TTN: variants seen among roughly 807,000 people sequenced by gnomAD.
TTN encodes the protein titin.
A neutral mutation model predicts 3,223.0 loss-of-function variants in TTN; 1,525 were observed. That is an observed-to-expected ratio of 0.47 (90% CI 0.45 to 0.49). TTN has a LOEUF of 0.49. Ranked by LOEUF, TTN falls within the 20% of genes least tolerant of loss-of-function variation. TTN has a pLI of 0.00. For synonymous variants in TTN, 14,094 were observed against 15,161.0 expected, an observed-to-expected ratio of 0.93 and a Z score of 5.17; for missense variants, 40,786 against 43,424.0, an observed-to-expected ratio of 0.94 and a Z score of 5.40.
In TTN at chr2:178,535,429, C is replaced by T; in HGVS notation, c.101186G>A (p.Cys33729Tyr). Residue 33729 changes from cysteine (C) to tyrosine (Y), a missense_variant, in exon 358 of 363, where the codon TGT becomes TAT. Transcript: ENST00000589042. ...SKITNYIVEK[C>Y]ATTAERWLRV... ...GAGCCATCTTTCTGCAGTAGTTGCACATTTTTCAACAATGTAGTTGGTGAT... is the reference window on the plus strand; with the variant it reads ...GAGCCATCTTTCTGCAGTAGTTGCATATTTTTCAACAATGTAGTTGGTGAT... 1 of 1,613,910 alleles carries T rather than the reference C, an allele frequency of 6.2e-7. No homozygotes were observed. The highest frequency in any genetic ancestry group is 8.5e-7 in the Non-Finnish European group (1 of 1,179,832).
At position 178,637,401 on chromosome 2, in the gene TTN, T is replaced by A; in HGVS notation, c.40895A>T (p.Glu13632Val). 1 of 1,478,072 alleles carries A rather than the reference T, an allele frequency of 6.8e-7. No individual in the cohort carries two copies. Among genetic ancestry groups the A allele is most frequent in the Non-Finnish European group, 9.0e-7 (1 of 1,116,344 alleles). The allele number at this position is 1,478,072 out of a possible 1,614,324, so 91.6% of individuals were successfully genotyped here. A position where few individuals can be genotyped will look rare whatever the true frequency, so the allele number is the denominator to read the frequency against. ...AGGACCTTTTGGCTTGGCAGCCTCT[T>A]CCTTAGGTGCTTTGGCTTCTGAAAT... is the stretch of plus-strand genomic sequence containing the variant. ...GKKAEAKAPK[E>V]EAAKPKGPIK... The change falls in exon 224 of 363, where the codon GAA becomes GTA. Residue 13632 changes from glutamate to valine, a missense_variant. By Grantham distance (121) the Glu-to-Val change is moderately radical. Transcript: ENST00000589042.
chr2:178,644,428 G>C, intron 218 of TTN, 120 bp downstream of exon 218: 2 of 718,882 alleles, frequency 2.8e-6, no homozygotes, highest in East Asian at 3.2e-5. Flanking sequence ...TATAAGAAAT[G>C]AATGGGACTA....
At position 178,740,049 on chromosome 2, in the gene TTN, A is replaced by T; in HGVS notation, c.13184T>A (p.Leu4395Gln). ...SGIPEEQRLN[L>Q]KIQICRALQA... ...CAAAGCCCGGCAGATTTGAATTTTCAGGTTTAATCTCTGCTCTTCTGGAAT... is the reference window on the plus strand; with the variant it reads ...CAAAGCCCGGCAGATTTGAATTTTCTGGTTTAATCTCTGCTCTTCTGGAAT... Residue 4395 changes from leucine to glutamine, a missense_variant, in exon 48 of 363, where the codon CTG becomes CAG. Coordinates refer to ENST00000589042, the MANE Select transcript of TTN (RefSeq NM_001267550.2). 3.7e-6 allele frequency: 6 copies of T among 1,613,816 alleles called. No homozygotes were observed. The highest frequency in any genetic ancestry group is 5.1e-6 in the Non-Finnish European group (6 of 1,179,820).
In TTN at chr2:178,527,054, T is replaced by A; in HGVS notation, c.107934A>T (p.Gly35978=). 1 of 1,613,878 alleles carries A rather than the reference T, an allele frequency of 6.2e-7. No individual in the cohort carries two copies. The highest frequency in any genetic ancestry group is 8.5e-7 in the Non-Finnish European group (1 of 1,179,846). ...GTATATTCACAGTGGCAGAGTCAGA[T>A]CCAAATTCATTCCCTAAACTCAGGG... ...LYTLSLGNEF[G]SDSATVNIHI... Residue 35978 remains glycine, a synonymous_variant, in exon 363 of 363, where the codon GGA becomes GGT. Coordinates refer to ENST00000589042, the MANE Select transcript of TTN (RefSeq NM_001267550.2).
intron 66 of TTN, 24 bp downstream of exon 66, chr2:178,728,476 G>A: frequency 1.3e-6 from 2 of 1,591,964 alleles, no homozygotes; most frequent in Non-Finnish European, 1.7e-6. Flanking sequence ...AATAAGGGAA[G>A]CTGACTGGGG....
In TTN at chr2:178,741,003, T is replaced by A; in HGVS notation, c.12230A>T (p.Asp4077Val). ...SEQEIATFVK[D>V]TILKAALITE... Reference sequence around the variant, plus strand: ...AATTAAAGCAGCTTTCAAAATGGTGTCTTTTACAAACGTTGCAATTTCCTG... The same window carrying A: ...AATTAAAGCAGCTTTCAAAATGGTGACTTTTACAAACGTTGCAATTTCCTG... The change falls in exon 48 of 363, where the codon GAC becomes GTC. Residue 4077 changes from aspartate (D) to valine (V), a missense_variant. By Grantham distance (152) the Asp-to-Val change is radical. Coordinates refer to ENST00000589042, the MANE Select transcript of TTN (RefSeq NM_001267550.2). The A allele has an allele frequency of 1.2e-6, 2 of 1,613,926 alleles. No homozygotes were observed. Among genetic ancestry groups the A allele is most frequent in the South Asian group, 1.1e-5 (1 of 91,088 alleles).
intron 127 of TTN, among the ~76,000 whole-genome samples, chr2:178,687,695 A>G (rs1260309785): frequency 6.6e-6 from 1 of 152,232 alleles, no homozygotes. Flanking sequence ...AATATAAAAT[A>G]TATTTCTGTC....
chr2:178,691,916 G>C (rs2072544985), intron 121 of TTN, 100 bp downstream of exon 121: 1 of 929,150 alleles, frequency 1.1e-6, no homozygotes, highest in African/African-American at 1.7e-5. Context: ...GAATGTAAAA[G>C]AGACAAAAGA....
At position 178,580,822 on chromosome 2, in the gene TTN, T is replaced by G; in HGVS notation, c.66770-213A>C. 5.5e-6 allele frequency: 3 copies of G among 545,776 alleles called. No individual in the cohort carries two copies. In the East Asian group the frequency reaches 1.0e-4, roughly 18 times the overall value. 33.8% of individuals were successfully genotyped at this position (545,776 alleles called of 1,614,324 possible). A position where few individuals can be genotyped will look rare whatever the true frequency, so the allele number is the denominator to read the frequency against. On this transcript the variant is annotated intron_variant, in intron 316 of 362. Transcript: ENST00000589042. ...ACTATGCTTTAGGCTTAACCAGGTT[T>G]TCCCCCCGGAGGATCTGTACCTCCT...
rs752671402 is a variant in TTN, at chr2:178,622,683, C to T, written c.44900G>A (p.Arg14967Gln). 51 of 1,605,082 alleles carry T rather than the reference C, an allele frequency of 3.2e-5. No homozygotes were observed. Among genetic ancestry groups the T allele is most frequent in the African/African-American group, 2.7e-5 (2 of 74,502 alleles). The change falls in exon 243 of 363, where the codon CGA becomes CAA. Residue 14967 changes from arginine (R) to glutamine (Q), a missense_variant. Coordinates refer to ENST00000589042, the MANE Select transcript of TTN (RefSeq NM_001267550.2). ...ACAGTCACAGACCTTAGCATTTTCT[C>T]GGGAAAGTTCACACTCAAATCGAGC... ...EMARFECELSRENAKVKWFKD... is the reference protein window; with the variant it reads ...EMARFECELSQENAKVKWFKD...
At position 178,582,208 on chromosome 2, in the gene TTN, T is replaced by A; in HGVS notation, c.66161A>T (p.Asp22054Val). Residue 22054 changes from aspartate (D) to valine (V), a missense_variant and splice_region_variant, in exon 315 of 363, where the codon GAC (aspartate) becomes GTC (valine). Physicochemically the swap from Asp to Val is radical, Grantham distance 152. Transcript: ENST00000589042. ...TEPAIAKNPY[D>V]PPGRCDPPVI... Reference sequence around the variant, plus strand: ...AGGAGGATCACAGCGTCCTGGTGGGTCTGCAGAAATTGATTGAAAAGTTAA... The same window carrying A: ...AGGAGGATCACAGCGTCCTGGTGGGACTGCAGAAATTGATTGAAAAGTTAA... 6.3e-7 allele frequency: 1 copy of A among 1,589,892 alleles called. No individual in the cohort carries two copies. The highest frequency in any genetic ancestry group is 8.5e-7 in the Non-Finnish European group (1 of 1,173,792).
chr2:178,641,632 A>C, intron 219 of TTN, among the ~76,000 whole-genome samples: 1 of 152,032 alleles, frequency 6.6e-6, no homozygotes, highest in Non-Finnish European at 1.5e-5. Flanking sequence ...AATAATAATT[A>C]AATGTTAATG....
chr2:178,622,868 T>G (rs1472784730), intron 242 of TTN, 101 bp from the exon 243 acceptor site: 2 of 921,672 alleles, frequency 2.2e-6, no homozygotes, highest in African/African-American at 3.4e-5. Context: ...TTTTAGGGAT[T>G]TTCCATCTTA....
chr2:178,549,385 A>G lies in TTN; in HGVS notation c.92241T>C (p.Gly30747=), dbSNP rs373311745. The change falls in exon 339 of 363, where the codon GGT becomes GGC. Residue 30747 remains glycine (G), a synonymous_variant. Transcript: ENST00000589042. ...TLTWARPESD[G]GSEIQQYILE... is the part of the protein sequence containing the mutation. ...GGATATACTGTTGAATTTCACTGCC[A>G]CCATCTGATTCTGGCCTTGCCCATG... 109 of 1,613,802 alleles carry G rather than the reference A, an allele frequency of 6.8e-5. No homozygotes were observed. In the African/African-American group the frequency reaches 1.2e-3, roughly 18 times the overall value.
chr2:178,567,932 G>T lies in TTN; in HGVS notation c.78200C>A (p.Ala26067Asp). 6.2e-7 allele frequency: 1 copy of T among 1,613,528 alleles called. No homozygotes were observed. Among genetic ancestry groups the T allele is most frequent in the Non-Finnish European group, 8.5e-7 (1 of 1,179,612 alleles). ...EGIEYEFRVYAENIVGVGKAS... is the reference protein window; with the variant it reads ...EGIEYEFRVYDENIVGVGKAS... ...TTTGCCTACACCAACAATATTTTCA[G>T]CATACACTCTGAATTCATATTCAAT... Residue 26067 changes from alanine (A) to aspartate (D), a missense_variant, in exon 326 of 363, where the codon GCT (alanine) becomes GAT (aspartate). Physicochemically the swap from Ala to Asp is moderately radical, Grantham distance 126. Coordinates refer to ENST00000589042, the MANE Select transcript of TTN (RefSeq NM_001267550.2).
chr2:178,665,257 A>G (rs544783152), intron 165 of TTN, 120 bp downstream of exon 165: 1 of 1,010,720 alleles, frequency 9.9e-7, no homozygotes, highest in East Asian at 2.5e-5. Context: ...AACCTCAGAC[A>G]CTTAAAAGAT....
Position 178,662,432 on chromosome 2 carries a change from A to G in TTN, c.36959-14T>C. 6.8e-7 allele frequency: 1 copy of G among 1,461,462 alleles called. No homozygotes were observed. The highest frequency in any genetic ancestry group is 8.9e-7 in the Non-Finnish European group (1 of 1,118,296). The allele number at this position is 1,461,462 out of a possible 1,614,324, so 90.5% of individuals were successfully genotyped here. On this transcript the variant is annotated splice_polypyrimidine_tract_variant and intron_variant, in intron 176 of 362. Coordinates refer to ENST00000589042, the MANE Select transcript of TTN (RefSeq NM_001267550.2). ...GAACTTCTGGCACTTGAAAGATATTAGTAGTTTTATACTTAGGTTAATGAA... is the reference window on the plus strand; with the variant it reads ...GAACTTCTGGCACTTGAAAGATATTGGTAGTTTTATACTTAGGTTAATGAA...
At chr2:178,687,344 T>G (rs531045771) in intron 127 of TTN, among the ~76,000 whole-genome samples, 27 of 151,556 alleles carry the variant, frequency 1.8e-4, no homozygotes, top group Middle Eastern at 3.4e-3. Context: ...TGGTGCTGCC[T>G]TAATTCATTG....
chr2:178,675,751 G>T lies in TTN; in HGVS notation c.34457C>A (p.Ser11486Tyr). Residue 11486 changes from serine to tyrosine, a missense_variant, in exon 149 of 363, where the codon TCT (serine) becomes TAT (tyrosine). Coordinates refer to ENST00000589042, the MANE Select transcript of TTN (RefSeq NM_001267550.2). ...KKEEAPPAKV[S>Y]VVPKKPEPEK... ...TGGCTCAGGTTTCTTAGGTACCACA[G>T]ACACTTTAAAAATATTATTTTATTT... 6.8e-7 allele frequency: 1 copy of T among 1,469,634 alleles called. No homozygotes were observed. Among genetic ancestry groups the T allele is most frequent in the Non-Finnish European group, 8.9e-7 (1 of 1,117,798 alleles). The allele number at this position is 1,469,634 out of a possible 1,614,324, so 91.0% of individuals were successfully genotyped here.
Sources: allele counts gnomAD v4.1 joint callset (sites outside exome capture counted in the v4.1 genomes callset), GRCh38; gene constraint gnomAD v4.1.1; transcripts MANE v1.5; gene names NCBI Gene and HGNC (gene_info 2026-07-23, HGNC 2026-07-21).